ZNF718: variants seen among roughly 807,000 people sequenced by gnomAD.
ZNF718 encodes the protein zinc finger protein 718.
Under a neutral mutation model 2.6 loss-of-function variants are expected in ZNF718, and 3 were observed. That is an observed-to-expected ratio of 1.16 (90% CI 0.53 to 3.01). The LOEUF is 3.01. Among genes scored for constraint, ZNF718 ranks in the 30% most tolerant of loss-of-function variants. The pLI is 0.03. For missense variants in ZNF718, 468 were observed against 230.0 expected, an observed-to-expected ratio of 2.03 and a Z score of -6.69; for synonymous variants, 135 against 77.9, an observed-to-expected ratio of 1.73 and a Z score of -3.86.
At chr4:174,149 C>T (rs1431564055) in intron 3 of ZNF718, among the ~76,000 whole-genome samples, 2 of 152,112 alleles carry the variant, frequency 1.3e-5, no homozygotes, top group Non-Finnish European at 2.9e-5. Context: ...AGGACAGCTG[C>T]CTTCAGCTCA....
chr4:149,407 TATATTTA>T (rs1180862551), intron 3 of ZNF718, among the ~76,000 whole-genome samples: 1 of 152,198 alleles, frequency 6.6e-6, no homozygotes, highest in Non-Finnish European at 1.5e-5. Flanking sequence ...TACATCTGTA[TATATTTA>T]ATATTTTGTG....
chr4:162,264 A>G lies in ZNF718; in HGVS notation c.*142A>G. The G allele has an allele frequency of 1.9e-6, 1 of 520,044 alleles. No homozygotes were observed. The highest frequency in any genetic ancestry group is 3.8e-5 in the South Asian group (1 of 26,074). The allele number at this position is 520,044 out of a possible 1,614,324, so 32.2% of individuals were successfully genotyped here. Reference sequence around the variant, plus strand: ...CTGTTCTAAACATAAGAGAAATGGTATTGGTGAGAAGCCATAAAAATATGA... The same window carrying G: ...CTGTTCTAAACATAAGAGAAATGGTGTTGGTGAGAAGCCATAAAAATATGA... On this transcript the variant is annotated 3_prime_UTR_variant, in exon 4 of 4. Transcript: ENST00000510175.
intron 3 of ZNF718, among the ~76,000 whole-genome samples, chr4:149,366 A>G (rs939850622): frequency 1.3e-5 from 2 of 152,176 alleles, no homozygotes; most frequent in Non-Finnish European, 2.9e-5. Flanking sequence ...ACAGTTAAAA[A>G]CTGTAGTTAT....
chr4:150,209 A>T (rs1291943569), intron 3 of ZNF718: 1 of 152,162 alleles, frequency 6.6e-6, no homozygotes, highest in African/African-American at 2.4e-5. Flanking sequence ...ATAATATTCT[A>T]TATATATGTC....
intron 3 of ZNF718, among the ~76,000 whole-genome samples, chr4:196,760 G>A (rs1002780563): frequency 6.6e-6 from 1 of 152,022 alleles, no homozygotes; most frequent in Non-Finnish European, 1.5e-5. Context: ...CAACCCAGAA[G>A]GGTTGGGGGT....
At chr4:130,354 C>T (rs1715320666) in intron 1 of ZNF718, among the ~76,000 whole-genome samples, 1 of 103,880 alleles carries the variant, frequency 9.6e-6, no homozygotes, top group African/African-American at 3.3e-5. Context: ...GGCTGAGTGA[C>T]TCTTAGCCCA....
intron 3 of ZNF718, among the ~76,000 whole-genome samples, chr4:173,719 G>T (rs1262454535): frequency 6.6e-6 from 1 of 152,178 alleles, no homozygotes; most frequent in Non-Finnish European, 1.5e-5. Context: ...TACCAGAAGG[G>T]CCAAGATAAA....
intron 3 of ZNF718, among the ~76,000 whole-genome samples, chr4:172,980 G>T (rs1275510001): frequency 1.3e-5 from 2 of 152,096 alleles, no homozygotes; most frequent in Admixed American, 6.5e-5. Flanking sequence ...GGGAGGTGTA[G>T]GTTGCAGTGA....
At chr4:168,448 C>G, downstream of ZNF718, among the ~76,000 whole-genome samples, 1 of 152,118 alleles carries the variant, frequency 6.6e-6, no homozygotes, top group East Asian at 1.9e-4. Flanking sequence ...CCTTGTACCT[C>G]TGGTAGAGTT....
intron 3 of ZNF718, among the ~76,000 whole-genome samples, chr4:199,236 C>G (rs549507085): frequency 6.6e-6 from 1 of 152,336 alleles, no homozygotes; most frequent in East Asian, 1.9e-4. Context: ...GTCTTTGAGC[C>G]TAGCCTTTCT....
intron 3 of ZNF718, among the ~76,000 whole-genome samples, chr4:187,259 C>T (rs1553820586): frequency 1.3e-5 from 2 of 152,012 alleles, no homozygotes; most frequent in African/African-American, 2.4e-5. Context: ...CGGAGTCTCG[C>T]TCTGTAGCCC....
chr4:135,873 G>T (rs1715549315), intron 3 of ZNF718, among the ~76,000 whole-genome samples: 1 of 151,858 alleles, frequency 6.6e-6, no homozygotes, highest in Non-Finnish European at 1.5e-5. Flanking sequence ...AGAAGCTGTG[G>T]CCCTGGAGGC....
chr4:150,992 C>G (rs1716291662), intron 3 of ZNF718, among the ~76,000 whole-genome samples: 1 of 152,042 alleles, frequency 6.6e-6, no homozygotes, highest in Non-Finnish European at 1.5e-5. Context: ...ATATGTTATC[C>G]TGTGATACTT....
intron 3 of ZNF718, among the ~76,000 whole-genome samples, chr4:191,150 T>C (rs982447809): frequency 6.2e-5 from 9 of 144,924 alleles, no homozygotes; most frequent in Admixed American, 2.0e-4. Context: ...AAGTCTTTTT[T>C]TTTTTTTTTT....
intron 3 of ZNF718, among the ~76,000 whole-genome samples, chr4:170,545 T>G (rs1553817748): frequency 6.6e-6 from 1 of 152,166 alleles, no homozygotes; most frequent in Non-Finnish European, 1.5e-5. Flanking sequence ...CTTTGTTTGT[T>G]TCTTTTTATT....
At chr4:182,404 A>ATTTATT (rs1354883652) in intron 3 of ZNF718, among the ~76,000 whole-genome samples, 7 of 147,746 alleles carry the variant, frequency 4.7e-5, no homozygotes, top group African/African-American at 1.5e-4. Flanking sequence ...ATTTTGATTT[A>ATTTATT]TATTTATTTA....
At chr4:194,264 A>G (rs1433219813) in intron 3 of ZNF718, among the ~76,000 whole-genome samples, 1 of 152,222 alleles carries the variant, frequency 6.6e-6, no homozygotes, top group Non-Finnish European at 1.5e-5. Context: ...ACAGAAAGGT[A>G]TGCTTCCTCA....
chr4:126,634 T>C (rs782194188), intron 1 of ZNF718, among the ~76,000 whole-genome samples: 14 of 151,870 alleles, frequency 9.2e-5, no homozygotes, highest in Non-Finnish European at 1.6e-4. Context: ...AATTACTAGG[T>C]GAAATAATAA....
intron 3 of ZNF718, among the ~76,000 whole-genome samples, chr4:157,114 T>A: frequency 8.8e-6 from 1 of 113,612 alleles, no homozygotes; most frequent in East Asian, 2.4e-4. Flanking sequence ...TTTTTTTTTT[T>A]TTTTTTTTTT....
Sources: allele counts gnomAD v4.1 joint callset (sites outside exome capture counted in the v4.1 genomes callset), GRCh38; gene constraint gnomAD v4.1.1; transcripts MANE v1.5; gene names NCBI Gene and HGNC (gene_info 2026-07-23, HGNC 2026-07-21).